The following SLC14A2 variants were observed in gnomAD, a reference collection of about 807,000 sequenced individuals.
SLC14A2 encodes urea transporter 2.
SLC14A2 carries 91 observed loss-of-function variants against 104.6 expected under a neutral mutation model. That is an observed-to-expected ratio of 0.87 (90% CI 0.73 to 1.04). The LOEUF (loss-of-function observed/expected upper bound fraction) is 1.04. Ranked by LOEUF, SLC14A2 falls within the 50% of genes least tolerant of loss-of-function variation. SLC14A2 has a pLI of 0.00. For missense variants in SLC14A2, 1,189 were observed against 1,156.0 expected (o/e 1.03, Z -0.41); for synonymous variants, 476 against 466.4 (o/e 1.02, Z -0.27).
chr18:45,468,934 G>A (rs1005195629), intron 1 of SLC14A2, among the ~76,000 whole-genome samples: 1 of 152,248 alleles, frequency 6.6e-6, no homozygotes, highest in Non-Finnish European at 1.5e-5. Context: ...GATAAAGCAT[G>A]TACAGTAAAG....
chr18:45,520,324 A>G (rs2043499959), intron 2 of SLC14A2, among the ~76,000 whole-genome samples: 3 of 152,124 alleles, frequency 2.0e-5, no homozygotes, highest in Admixed American at 2.0e-4. Context: ...CAGGAATATG[A>G]GTGTGCTACA....
At chr18:45,244,811 G>A (rs938419984) in intron 1 of SLC14A2, among the ~76,000 whole-genome samples, 1 of 152,124 alleles carries the variant, frequency 6.6e-6, no homozygotes, top group Admixed American at 6.6e-5. Context: ...AAGAAAGACA[G>A]TTTTAAACTC....
intron 1 of SLC14A2, among the ~76,000 whole-genome samples, chr18:45,221,447 G>A (rs2084061140): frequency 6.7e-6 from 1 of 150,258 alleles, no homozygotes; most frequent in African/African-American, 2.4e-5. Flanking sequence ...ATGGGAGTGA[G>A]ACACTTTGAT....
chr18:45,290,612 C>T (rs576618663), intron 1 of SLC14A2, among the ~76,000 whole-genome samples: 3 of 152,306 alleles, frequency 2.0e-5, no homozygotes, highest in African/African-American at 7.2e-5. Flanking sequence ...TGTGGCTACT[C>T]CCAACTGAGA....
At chr18:45,620,872 A>G (rs2045155412) in intron 1 of SLC14A2, among the ~76,000 whole-genome samples, 1 of 152,220 alleles carries the variant, frequency 6.6e-6, no homozygotes, top group Non-Finnish European at 1.5e-5. Context: ...TTTCTTTATG[A>G]TACATAAAAT....
At chr18:45,292,598 A>T (rs2084880753) in intron 1 of SLC14A2, among the ~76,000 whole-genome samples, 1 of 152,218 alleles carries the variant, frequency 6.6e-6, no homozygotes. Flanking sequence ...ATGAATCTCC[A>T]TTACACCATT....
At chr18:45,570,651 C>T (rs1176798446) in intron 2 of SLC14A2, among the ~76,000 whole-genome samples, 1 of 152,212 alleles carries the variant, frequency 6.6e-6, no homozygotes, top group African/African-American at 2.4e-5. Context: ...CTCTGTCCTC[C>T]CATCCAGGAC....
chr18:45,195,593 T>A, the SLC14A2 span, among the ~76,000 whole-genome samples: 1 of 152,152 alleles, frequency 6.6e-6, no homozygotes, highest in African/African-American at 2.4e-5. Flanking sequence ...GGTTTCTTTA[T>A]GTTGGCCAGG....
chr18:45,577,061 G>A (rs971193006), intron 2 of SLC14A2, among the ~76,000 whole-genome samples: 3 of 151,706 alleles, frequency 2.0e-5, no homozygotes, highest in Admixed American at 2.0e-4. Context: ...GAGGTCTGGA[G>A]TGAGAGAACT....
chr18:45,565,764 G>A (rs2044258065), intron 2 of SLC14A2, among the ~76,000 whole-genome samples: 1 of 152,170 alleles, frequency 6.6e-6, no homozygotes, highest in Non-Finnish European at 1.5e-5. Context: ...CACAGGCAGA[G>A]TGCCCTTCTA....
At chr18:45,376,884 A>G (rs1255952865) in intron 1 of SLC14A2, among the ~76,000 whole-genome samples, 4 of 152,186 alleles carry the variant, frequency 2.6e-5, no homozygotes, top group African/African-American at 7.2e-5. Context: ...TCTCTTGCTC[A>G]TACTTTTCAC....
intron 1 of SLC14A2, among the ~76,000 whole-genome samples, chr18:45,317,187 G>A (rs2085138042): frequency 6.6e-6 from 1 of 152,184 alleles, no homozygotes; most frequent in African/African-American, 2.4e-5. Context: ...ATGAAGCACT[G>A]TAAGATACAC....
chr18:45,541,997 G>A (rs1364176191), intron 2 of SLC14A2, among the ~76,000 whole-genome samples: 2 of 133,610 alleles, frequency 1.5e-5, no homozygotes, highest in Admixed American at 8.0e-5. Context: ...ATTACAAGGA[G>A]CATCTTTCCT....
chr18:45,353,737 A>G (rs757388257), intron 1 of SLC14A2, among the ~76,000 whole-genome samples: 1 of 152,188 alleles, frequency 6.6e-6, no homozygotes, highest in Non-Finnish European at 1.5e-5. Context: ...GCAGGCATGC[A>G]TGAAGGCTGT....
chr18:45,407,776 G>A (rs2086172346), intron 1 of SLC14A2, among the ~76,000 whole-genome samples: 1 of 152,144 alleles, frequency 6.6e-6, no homozygotes, highest in Admixed American at 6.5e-5. Context: ...TGAGGAAATG[G>A]CCATCAGTGG....
chr18:45,388,064 CTTTTTTTTTTTTTT>C (rs58962313), intron 1 of SLC14A2, among the ~76,000 whole-genome samples: 2 of 69,052 alleles, frequency 2.9e-5, no homozygotes, highest in Admixed American at 2.1e-4. Context: ...TTGCTCATAT[CTTTTTTTTTTTTTT>C]TTTTTTTTTT....
intron 1 of SLC14A2, among the ~76,000 whole-genome samples, chr18:45,319,907 T>A (rs2085168243): frequency 6.6e-6 from 1 of 152,228 alleles, no homozygotes; most frequent in African/African-American, 2.4e-5. Flanking sequence ...ATGAGCTTTT[T>A]TTCTATGACA....
chr18:45,335,063 T>C (rs1402265958), intron 1 of SLC14A2, among the ~76,000 whole-genome samples: 2 of 152,220 alleles, frequency 1.3e-5, no homozygotes, highest in African/African-American at 4.8e-5. Flanking sequence ...ATTGCACTTA[T>C]TAAAGTATGC....
chr18:45,175,898 G>A, the SLC14A2 span, among the ~76,000 whole-genome samples: 1 of 152,152 alleles, frequency 6.6e-6, no homozygotes, highest in African/African-American at 2.4e-5. Flanking sequence ...TCTGTTATAA[G>A]GGGCTGATTG....
Sources: gnomAD v4.1 joint callset for allele counts (sites outside exome capture counted in the v4.1 genomes callset) on GRCh38, gnomAD v4.1.1 for gene constraint, MANE v1.5 for transcripts, NCBI Gene and HGNC (gene_info 2026-07-23, HGNC 2026-07-21) for gene names.